PLCL2: variants seen among roughly 807,000 people sequenced by gnomAD.
The protein encoded by PLCL2 is phospholipase C like 2.
PLCL2 carries 4 observed loss-of-function variants against 79.6 expected under a neutral mutation model. The ratio of observed to expected loss-of-function variants is 0.05; its 90% confidence interval spans 0.02 to 0.11. The LOEUF (loss-of-function observed/expected upper bound fraction) is 0.11. Among genes scored for constraint, PLCL2 ranks in the 10% least tolerant of loss-of-function variants. The pLI, the probability that PLCL2 is intolerant of heterozygous loss-of-function variation, is 1.00. For missense variants in PLCL2, 895 were observed against 1,291.0 expected (o/e 0.69, Z 4.70); for synonymous variants, 484 against 457.7 (o/e 1.06, Z -0.73).
chr3:17,071,589 T>C (rs2065061093), intron 5 of PLCL2, among the ~76,000 whole-genome samples: 1 of 152,224 alleles, frequency 6.6e-6, no homozygotes, highest in Non-Finnish European at 1.5e-5. Flanking sequence ...AACCTTTCTA[T>C]ATGAATATGT....
intron 1 of PLCL2, among the ~76,000 whole-genome samples, chr3:17,007,191 C>A (rs988919472): frequency 3.3e-5 from 5 of 152,108 alleles, no homozygotes; most frequent in Non-Finnish European, 5.9e-5. Flanking sequence ...TGGTGGCTCA[C>A]ACCTGTAATC....
intron 4 of PLCL2, among the ~76,000 whole-genome samples, chr3:17,053,834 G>A (rs1382980626): frequency 6.6e-6 from 1 of 152,176 alleles, no homozygotes; most frequent in African/African-American, 2.4e-5. Flanking sequence ...TCCTGCCTAG[G>A]CCTCAGGTCT....
chr3:17,039,032 TA>T (rs1443734076), intron 3 of PLCL2, among the ~76,000 whole-genome samples: 1 of 152,222 alleles, frequency 6.6e-6, no homozygotes, highest in African/African-American at 2.4e-5. Flanking sequence ...ACTAACCTCA[TA>T]ATTACTCACC....
intron 1 of PLCL2, among the ~76,000 whole-genome samples, chr3:16,941,869 A>T (rs1458389439): frequency 7.1e-6 from 1 of 141,108 alleles, no homozygotes; most frequent in Non-Finnish European, 1.6e-5. Flanking sequence ...AGGGCACAGT[A>T]AAAAAAAAAA....
intron 1 of PLCL2, among the ~76,000 whole-genome samples, chr3:16,996,706 A>G (rs557449476): frequency 1.6e-3 from 238 of 152,332 alleles, no homozygotes; most frequent in African/African-American, 5.5e-3. Context: ...TTATCAAAAA[A>G]AAAAAAGTTT....
intron 5 of PLCL2, among the ~76,000 whole-genome samples, chr3:17,089,150 G>C (rs1191690308): frequency 6.6e-6 from 1 of 152,140 alleles, no homozygotes; most frequent in Non-Finnish European, 1.5e-5. Context: ...GGTGGTGCTG[G>C]TGCAGTGCTG....
chr3:16,915,478 T>C (rs1258280107), intron 1 of PLCL2, among the ~76,000 whole-genome samples: 1 of 152,242 alleles, frequency 6.6e-6, no homozygotes, highest in Non-Finnish European at 1.5e-5. Context: ...TAGTTATTCA[T>C]GCTCCATAAT....
chr3:17,042,479 GTAGGTGTTGAAGTTTTCTAT>G, intron 3 of PLCL2, among the ~76,000 whole-genome samples: 1 of 152,324 alleles, frequency 6.6e-6, no homozygotes, highest in African/African-American at 2.4e-5. Flanking sequence ...AGTGAAGTGT[GTAGGTGTTGAAGTTTTCTAT>G]AAGATGAAGT....
At chr3:17,040,444 C>T (rs1030169799) in intron 3 of PLCL2, among the ~76,000 whole-genome samples, 1 of 152,206 alleles carries the variant, frequency 6.6e-6, no homozygotes, top group African/African-American at 2.4e-5. Flanking sequence ...CCCAGCTTTT[C>T]AAGTGGAACT....
intron 1 of PLCL2, among the ~76,000 whole-genome samples, chr3:16,952,175 G>A (rs1419076717): frequency 2.0e-5 from 3 of 151,702 alleles, no homozygotes; most frequent in Non-Finnish European, 4.4e-5. Context: ...ACTGGGGCCT[G>A]TCGTGGGGTG....
rs758939888 is a variant in PLCL2 at position 17,011,314 on chromosome 3, C to T, written c.1968C>T (p.Tyr656=). The change falls in exon 2 of 6, where the codon TAC becomes TAT. Residue 656 remains tyrosine (Y), a synonymous_variant. Transcript: ENST00000615277. This position sits in a 1 kb window ranked among gnomAD's most constrained non-coding sequence, Gnocchi z 7.9. ...CSFNEVLASK[Y]ANENPGDFVN... ...TTAATGAAGTGCTTGCCAGCAAGTA[C>T]GCCAATGAAAATCCAGGGGACTTTG... The T allele has an allele frequency of 2.4e-5, 39 of 1,614,050 alleles. No individual in the cohort carries two copies. Among genetic ancestry groups the T allele is most frequent in the Admixed American group, 6.7e-5 (4 of 60,010 alleles).
At chr3:17,021,907 CAA>C (rs571402287) in intron 3 of PLCL2, among the ~76,000 whole-genome samples, 50 of 152,212 alleles carry the variant, frequency 3.3e-4, no homozygotes, top group Non-Finnish European at 6.2e-4. Flanking sequence ...AGCAAGGAAA[CAA>C]GAGCTGGGGT....
intron 5 of PLCL2, among the ~76,000 whole-genome samples, chr3:17,083,174 G>A (rs1430430089): frequency 6.6e-6 from 1 of 152,128 alleles, no homozygotes; most frequent in African/African-American, 2.4e-5. Flanking sequence ...GAAGCAGTAA[G>A]GAGAATTATG....
chr3:17,031,273 T>TA (rs1451664757), intron 3 of PLCL2, among the ~76,000 whole-genome samples: 1 of 152,194 alleles, frequency 6.6e-6, no homozygotes, highest in Non-Finnish European at 1.5e-5. Flanking sequence ...AGTGAGGCCA[T>TA]AGGCCCTCTT....
intron 4 of PLCL2, among the ~76,000 whole-genome samples, chr3:17,056,983 G>T (rs2064898472): frequency 6.6e-6 from 1 of 152,152 alleles, no homozygotes; most frequent in African/African-American, 2.4e-5. Flanking sequence ...TGTACTTTCA[G>T]TGCACATGAA....
chr3:17,026,422 G>A (rs1219540298), intron 3 of PLCL2, among the ~76,000 whole-genome samples: 1 of 152,156 alleles, frequency 6.6e-6, no homozygotes, highest in Non-Finnish European at 1.5e-5. Context: ...TTTTATGTGA[G>A]ATTATTCATC....
chr3:17,059,197 C>T (rs2064920292), intron 4 of PLCL2, among the ~76,000 whole-genome samples: 1 of 151,772 alleles, frequency 6.6e-6, no homozygotes, highest in Non-Finnish European at 1.5e-5. Flanking sequence ...TATAATGGAA[C>T]ATTATGCCAC....
intron 4 of PLCL2, among the ~76,000 whole-genome samples, chr3:17,044,813 AT>A (rs2064763991): frequency 6.6e-6 from 1 of 152,144 alleles, no homozygotes; most frequent in Non-Finnish European, 1.5e-5. Flanking sequence ...AGATTTGATA[AT>A]TTTCAGTATA....
chr3:16,975,206 C>G (rs2124982301), intron 1 of PLCL2, among the ~76,000 whole-genome samples: 1 of 152,256 alleles, frequency 6.6e-6, no homozygotes, highest in East Asian at 1.9e-4. Context: ...AAAGATGGAC[C>G]CTTGACATAC....
Sources: gnomAD v4.1 joint callset for allele counts (sites outside exome capture counted in the v4.1 genomes callset) on GRCh38, gnomAD v4.1.1 for gene constraint, Gnocchi (gnomAD v3.1) non-coding constraint, MANE v1.5 for transcripts, NCBI Gene and HGNC (gene_info 2026-07-23, HGNC 2026-07-21) for gene names.